MYRIP: variants seen among roughly 807,000 people sequenced by gnomAD.
MYRIP encodes the protein myosin VIIA and Rab interacting protein.
In MYRIP, 49 loss-of-function variants were observed where a neutral mutation model predicts 98.0. The observed-to-expected ratio is 0.50, with a 90% CI of 0.40 to 0.63. MYRIP has a LOEUF of 0.63. MYRIP is among the 30% of genes least tolerant of loss of function. MYRIP has a pLI of 0.00. For synonymous variants in MYRIP, 404 were observed against 409.5 expected, an observed-to-expected ratio of 0.99 and a Z score of 0.16; for missense variants, 1,004 against 1,058.2, an observed-to-expected ratio of 0.95 and a Z score of 0.71.
chr3:40,083,270 G>T (rs1948520310), intron 3 of MYRIP, among the ~76,000 whole-genome samples: 1 of 152,214 alleles, frequency 6.6e-6, no homozygotes, highest in African/African-American at 2.4e-5. Flanking sequence ...TCTTCATTCA[G>T]ACAGTAGGGA....
chr3:39,909,878 C>T (rs947802651), intron 2 of MYRIP, among the ~76,000 whole-genome samples: 2 of 126,274 alleles, frequency 1.6e-5, no homozygotes, highest in South Asian at 2.5e-4. Context: ...GGGAAAAGCA[C>T]GTTCTTTTTT....
At chr3:39,861,018 G>C (rs557789676) in intron 1 of MYRIP, among the ~76,000 whole-genome samples, 2 of 152,220 alleles carry the variant, frequency 1.3e-5, no homozygotes, top group African/African-American at 2.4e-5. Flanking sequence ...CACTGCTGCT[G>C]CTGGCACATG....
intron 2 of MYRIP, among the ~76,000 whole-genome samples, chr3:40,000,425 C>G (rs533285567): frequency 2.0e-5 from 3 of 152,120 alleles, no homozygotes; most frequent in Non-Finnish European, 4.4e-5. Flanking sequence ...AAGGTTCCTC[C>G]CCATGTCATG....
intron 11 of MYRIP, 33 bp downstream of exon 11, chr3:40,210,126 A>T (rs769195545): frequency 1.2e-6 from 2 of 1,605,728 alleles, no homozygotes; most frequent in Non-Finnish European, 1.7e-6. Context: ...CAGACAGCTC[A>T]AGCTTCTGCA....
At chr3:39,924,109 A>T (rs1346815992) in intron 2 of MYRIP, among the ~76,000 whole-genome samples, 1 of 152,100 alleles carries the variant, frequency 6.6e-6, no homozygotes, top group Non-Finnish European at 1.5e-5. Flanking sequence ...AAATAGTAAA[A>T]AATTTCATAT....
In MYRIP at chr3:40,098,740, T is replaced by TTGTGTGTGTGTGTGTGTG. The variant is rs3063561; in HGVS notation, c.333-52286_333-52269dup. ...TGTGTATCTCTCTCTGTCTCTCTCA[T>TTGTGTGTGTGTGTGTGTG]TGTGTGTGTGTGTGTGTGTGTGTGT... On this transcript the variant is annotated intron_variant, in intron 3 of 16. Transcript: ENST00000302541. Among the ~76,000 whole-genome samples the TTGTGTGTGTGTGTGTGTG allele has an allele frequency of 9.0e-3, 1,212 of 135,246 alleles. 19 individuals carry two copies. The highest frequency in any genetic ancestry group is 0.012 in the Middle Eastern group (3 of 246). 88.7% of individuals were successfully genotyped at this position (135,246 alleles called of 152,430 possible). A position where few individuals can be genotyped will look rare whatever the true frequency, so the allele number is the denominator to read the frequency against.
intron 2 of MYRIP, among the ~76,000 whole-genome samples, chr3:39,920,732 G>A (rs1391292166): frequency 1.3e-5 from 2 of 152,158 alleles, no homozygotes; most frequent in African/African-American, 2.4e-5. Context: ...AGTATGAAGT[G>A]GAAGCTTTGC....
intron 11 of MYRIP, among the ~76,000 whole-genome samples, chr3:40,224,980 A>G (rs375237639): frequency 2.8e-4 from 42 of 152,338 alleles, no homozygotes; most frequent in East Asian, 9.6e-4. Context: ...GAACTGAAAT[A>G]TATTAGCATT....
rs547332221 is a variant in MYRIP, at chr3:39,933,158, C to T, written c.110+32232C>T. ...TGGTAGCTAAGCATTAAGAACCTTT[C>T]GTGCAGGGTTTGACAAGATACATAC... On this transcript the variant is annotated intron_variant, in intron 2 of 16. Transcript: ENST00000302541. Among the ~76,000 whole-genome samples the T allele has an allele frequency of 4.0e-4, 61 of 152,312 alleles. 1 individual carries two copies. Among genetic ancestry groups the T allele is most frequent in the African/African-American group, 1.3e-3 (55 of 41,574 alleles).
chr3:39,954,033 C>A (rs114346876), intron 2 of MYRIP, among the ~76,000 whole-genome samples: 3,033 of 152,218 alleles, frequency 0.02, 99 homozygotes, highest in African/African-American at 0.07. Flanking sequence ...GGGTGGAGCC[C>A]ACCGCAGCTC....
intron 2 of MYRIP, among the ~76,000 whole-genome samples, chr3:39,909,226 G>A (rs13088438): frequency 0.039 from 5,882 of 152,272 alleles, 187 homozygotes; most frequent in Non-Finnish European, 0.052. Context: ...CCGCAGAAAG[G>A]AGAGTGGAGA....
chr3:40,253,515 C>G (rs1953461893), intron 16 of MYRIP, among the ~76,000 whole-genome samples: 1 of 152,164 alleles, frequency 6.6e-6, no homozygotes, highest in Non-Finnish European at 1.5e-5. Context: ...CAGGCCCTAG[C>G]CTACTATTCC....
intron 8 of MYRIP, among the ~76,000 whole-genome samples, chr3:40,181,977 G>A (rs1031652536): frequency 6.6e-6 from 1 of 152,192 alleles, no homozygotes. Flanking sequence ...CCGTATGAGA[G>A]CTGGCCCCGT....
chr3:40,045,075 T>A (rs569896360), intron 3 of MYRIP, among the ~76,000 whole-genome samples: 1 of 152,234 alleles, frequency 6.6e-6, no homozygotes, highest in East Asian at 1.9e-4. Context: ...TGTTAATGAG[T>A]GAAGCAGAGA....
chr3:40,081,229 C>T (rs1948472464), intron 3 of MYRIP, among the ~76,000 whole-genome samples: 1 of 152,074 alleles, frequency 6.6e-6, no homozygotes, highest in African/African-American at 2.4e-5. Context: ...AGTACAGTGT[C>T]TTATGTATGA....
At chr3:40,098,064 A>G (rs1348708026) in intron 3 of MYRIP, among the ~76,000 whole-genome samples, 1 of 152,194 alleles carries the variant, frequency 6.6e-6, no homozygotes, top group Non-Finnish European at 1.5e-5. Flanking sequence ...CAAAATGAAA[A>G]GTCAGAATGG....
At chr3:39,967,435 G>A (rs796881745) in intron 2 of MYRIP, among the ~76,000 whole-genome samples, 28 of 152,228 alleles carry the variant, frequency 1.8e-4, no homozygotes, top group African/African-American at 6.5e-4. Context: ...TTTTAGGGCT[G>A]TATATTATTT....
At chr3:39,928,650 CA>C (rs34071191) in intron 2 of MYRIP, among the ~76,000 whole-genome samples, 19,934 of 147,428 alleles carry the variant, frequency 0.14, 1,574 homozygotes, top group African/African-American at 0.23. Flanking sequence ...AAAAAATTAT[CA>C]AAAAAAAAAA....
chr3:40,178,143 T>A (rs1950808681), intron 8 of MYRIP, among the ~76,000 whole-genome samples: 1 of 152,152 alleles, frequency 6.6e-6, no homozygotes, highest in African/African-American at 2.4e-5. Context: ...TGTGGGCTCT[T>A]TGAGAGCAAA....
Sources: allele counts gnomAD v4.1 joint callset (sites outside exome capture counted in the v4.1 genomes callset), GRCh38; gene constraint gnomAD v4.1.1; transcripts MANE v1.5; gene names NCBI Gene and HGNC (gene_info 2026-07-23, HGNC 2026-07-21).